The following BRCA2 variants were observed in gnomAD, a reference collection of about 807,000 sequenced individuals.
The protein encoded by BRCA2 is BRCA2 DNA repair associated.
BRCA2 carries 203 observed loss-of-function variants against 276.7 expected under a neutral mutation model. That is an observed-to-expected ratio of 0.73 (90% CI 0.65 to 0.82). The LOEUF (loss-of-function observed/expected upper bound fraction) is 0.82, where lower values mean the gene tolerates loss of function less well. BRCA2 is among the 40% of genes least tolerant of loss of function. BRCA2 has a pLI of 0.00. For synonymous variants in BRCA2, 1,289 were observed against 1,338.4 expected, an observed-to-expected ratio of 0.96 and a Z score of 0.81; for missense variants, 3,920 against 3,915.0, an observed-to-expected ratio of 1.00 and a Z score of -0.03.
Position 32,356,297 on chromosome 13 carries a change from C to T in BRCA2, c.7436-131C>T, listed in dbSNP as rs11571706. 1.9e-3 allele frequency: 1,609 copies of T among 842,288 alleles called. 24 individuals carry two copies. The African/African-American group carries it at 0.024, about 13-fold the overall frequency. 52.2% of individuals were successfully genotyped at this position (842,288 alleles called of 1,614,324 possible). On this transcript the variant is annotated intron_variant, in intron 14 of 26. Transcript: ENST00000380152. Reference sequence around the variant, plus strand: ...TTTGGTCAGGCTGGTCTTGAACTCCCGACCTCAGATGATCTGCCCGCCTCA... The same window carrying T: ...TTTGGTCAGGCTGGTCTTGAACTCCTGACCTCAGATGATCTGCCCGCCTCA...
rs796964470 is a variant in BRCA2, at chr13:32,377,590, CA to C, written c.8754+816del. Among the ~76,000 whole-genome samples, 88,956 of 99,682 alleles carry C rather than the reference CA, an allele frequency of 0.89. 39,272 individuals are homozygous for C. The highest frequency in any genetic ancestry group is 0.95 in the East Asian group (3,313 of 3,494). 65.4% of individuals were successfully genotyped at this position (99,682 alleles called of 152,430 possible). On this transcript the variant is annotated intron_variant, in intron 21 of 26. Coordinates refer to ENST00000380152, the MANE Select transcript of BRCA2 (RefSeq NM_000059.4). ...AGGCAACAAGAGCAAAACTCCGTCTCAAAAAAAAAAAAAAAAAGCTATTAAA... is the reference window on the plus strand; with the variant it reads ...AGGCAACAAGAGCAAAACTCCGTCTCAAAAAAAAAAAAAAAAGCTATTAAA...
At position 32,395,057 on chromosome 13, in the gene BRCA2, A is replaced by G. The variant is rs543127522; in HGVS notation, c.9501+124A>G. On this transcript the variant is annotated intron_variant, in intron 25 of 26. Coordinates refer to ENST00000380152, the MANE Select transcript of BRCA2 (RefSeq NM_000059.4). ...GTAGTATGTGAGGTAAAGTTTAATC[A>G]TATATTAATTGCCCATGAACCTCAG... 60 of 1,357,262 alleles carry G rather than the reference A, an allele frequency of 4.4e-5. 1 individual carries two copies. In the South Asian group the frequency reaches 5.9e-4, roughly 13 times the overall value. 84.1% of individuals were successfully genotyped at this position (1,357,262 alleles called of 1,614,324 possible). A position where few individuals can be genotyped will look rare whatever the true frequency, so the allele number is the denominator to read the frequency against.
intron 20 of BRCA2, among the ~76,000 whole-genome samples, chr13:32,376,236 T>C (rs924230218): frequency 6.6e-5 from 10 of 152,088 alleles, no homozygotes; most frequent in African/African-American, 1.2e-4. Flanking sequence ...GGAAAACTTA[T>C]AGCAGGCCAG....
At chr13:32,330,189 C>T (rs11571632) in intron 8 of BRCA2, among the ~76,000 whole-genome samples, 391 of 152,290 alleles carry the variant, frequency 2.6e-3, no homozygotes, top group Non-Finnish European at 3.6e-3. Flanking sequence ...ATGTAGCTGT[C>T]AATCAAAACA....
At chr13:32,328,571 T>C (rs181536701) in intron 7 of BRCA2, among the ~76,000 whole-genome samples, 4 of 152,318 alleles carry the variant, frequency 2.6e-5, no homozygotes, top group East Asian at 1.9e-4. Context: ...CTGTTCATAG[T>C]TGTGAAACTT....
intron 12 of BRCA2, among the ~76,000 whole-genome samples, chr13:32,345,903 G>C (rs2072608143): frequency 2.6e-5 from 4 of 151,972 alleles, no homozygotes; most frequent in Admixed American, 2.0e-4. Flanking sequence ...TGGATTTTCA[G>C]ATTAGGGATA....
At chr13:32,362,116 G>A (rs1314433326) in intron 16 of BRCA2, among the ~76,000 whole-genome samples, 1 of 152,028 alleles carries the variant, frequency 6.6e-6, no homozygotes, top group Non-Finnish European at 1.5e-5. Flanking sequence ...TCAACCTCCT[G>A]GGCTCAAGCA....
chr13:32,333,246 T>C lies in BRCA2; in HGVS notation c.1768T>C (p.Phe590Leu), dbSNP rs2137474689. The change falls in exon 10 of 27, where the codon TTT becomes CTT. Residue 590 changes from phenylalanine (F) to leucine (L), a missense_variant. By Grantham distance (22) the Phe-to-Leu change is conservative. This residue lies in a region of BRCA2 where 3,263 missense variants were observed against 3,156.9 expected (regional missense o/e 1.03). Transcript: ENST00000380152. Reference protein sequence around the residue: ...ISTLKKKTNKFIYAIHDETSY... With the variant: ...ISTLKKKTNKLIYAIHDETSY... The stretch of plus-strand genomic sequence containing the variant: ...CACTTTGAAAAAGAAAACAAATAAG[T>C]TTATTTATGCTATACATGATGAAAC... 6.2e-7 allele frequency: 1 copy of C among 1,612,012 alleles called. No homozygotes were observed. The highest frequency in any genetic ancestry group is 8.5e-7 in the Non-Finnish European group (1 of 1,178,770).
intron 24 of BRCA2, 137 bp from the exon 25 acceptor site, chr13:32,394,552 C>G (rs963729257): frequency 1.7e-6 from 2 of 1,156,240 alleles, no homozygotes; most frequent in African/African-American, 3.1e-5. Context: ...GAGCTTTCGC[C>G]AAATTCAGCT....
At chr13:32,383,527 C>T (rs1046936102) in intron 24 of BRCA2, among the ~76,000 whole-genome samples, 6 of 152,072 alleles carry the variant, frequency 3.9e-5, no homozygotes, top group Admixed American at 1.3e-4. Flanking sequence ...TTTTTTCAAC[C>T]GTGTTCAGCT....
Position 32,333,264 on chromosome 13 carries a change from G to T in BRCA2, c.1786G>T (p.Asp596Tyr). The T allele has an allele frequency of 1.9e-6, 3 of 1,608,594 alleles. No individual in the cohort carries two copies. Among genetic ancestry groups the T allele is most frequent in the Non-Finnish European group, 2.5e-6 (3 of 1,177,882 alleles). The stretch of plus-strand genomic sequence containing the variant: ...AAATAAGTTTATTTATGCTATACAT[G>T]ATGAAACATCTTATAAAGGAAAAAA... ...KTNKFIYAIH[D>Y]ETSYKGKKIP... Residue 596 changes from aspartate (D) to tyrosine (Y), a missense_variant, in exon 10 of 27, where the codon GAT becomes TAT. Around this residue, in one of 2 missense-constraint regions of BRCA2, gnomAD observed 3,263 missense variants for 3,156.9 expected, o/e 1.03. Coordinates refer to ENST00000380152, the MANE Select transcript of BRCA2 (RefSeq NM_000059.4).
chr13:32,367,684 A>G (rs1009204483), intron 18 of BRCA2, among the ~76,000 whole-genome samples: 1 of 151,552 alleles, frequency 6.6e-6, no homozygotes, highest in Non-Finnish European at 1.5e-5. Context: ...AGTCCCAGCT[A>G]CTTGAGAGGC....
At chr13:32,379,225 T>C (rs2072895007) in intron 21 of BRCA2, 92 bp from the exon 22 acceptor site, 1 of 1,202,462 alleles carries the variant, frequency 8.3e-7, no homozygotes, top group Non-Finnish European at 1.2e-6. Context: ...TCTAATTTTG[T>C]TGTATTTGTC....
At chr13:32,360,969 A>G (rs141416123) in intron 16 of BRCA2, among the ~76,000 whole-genome samples, 3 of 152,354 alleles carry the variant, frequency 2.0e-5, no homozygotes, top group African/African-American at 7.2e-5. Flanking sequence ...GAGAAGACCA[A>G]AGATGGAGGG....
At chr13:32,325,657 C>T (rs61948376) in intron 4 of BRCA2, among the ~76,000 whole-genome samples, 240 of 151,804 alleles carry the variant, frequency 1.6e-3, no homozygotes, top group Non-Finnish European at 2.5e-3. Context: ...TCTCCTGCCT[C>T]AGCCTCCCAA....
At chr13:32,368,332 CCTTTT>C (rs1566247786) in intron 18 of BRCA2, among the ~76,000 whole-genome samples, 1 of 151,862 alleles carries the variant, frequency 6.6e-6, no homozygotes, top group Non-Finnish European at 1.5e-5. Flanking sequence ...GGATTACAGC[CCTTTT>C]CTTCTAGTTC....
At chr13:32,354,317 C>G (rs919839449) in intron 13 of BRCA2, among the ~76,000 whole-genome samples, 2 of 152,010 alleles carry the variant, frequency 1.3e-5, no homozygotes, top group Non-Finnish European at 2.9e-5. Flanking sequence ...AGAAGGTTGA[C>G]TGTGGAGTGT....
rs1052409595 is a variant in BRCA2 at position 32,332,732 on chromosome 13, A to C, written c.1254A>C (p.Ser418=). Residue 418 remains serine, a synonymous_variant, in exon 10 of 27, where the codon TCA becomes TCC. Transcript: ENST00000380152. ...AAATACCCCTATTGCATATTTCTTC[A>C]TGTGACCAAAATATTTCAGAAAAAG... ...MEKIPLLHIS[S]CDQNISEKDL... The C allele has an allele frequency of 6.2e-7, 1 of 1,611,574 alleles. No homozygotes were observed. The highest frequency in any genetic ancestry group is 8.5e-7 in the Non-Finnish European group (1 of 1,179,346).
At position 32,327,066 on chromosome 13, in the gene BRCA2, ATG is replaced by A. The variant is rs756064030; in HGVS notation, c.631+456_631+457del. ...ATTCCACAAGTGTAATTACACAACT[ATG>A]TGATAAACTGCAATATTTATCCATT... On this transcript the variant is annotated intron_variant, in intron 7 of 26. Transcript: ENST00000380152. Among the ~76,000 whole-genome samples, 4 of 152,364 alleles carry A rather than the reference ATG, an allele frequency of 2.6e-5. No homozygotes were observed. In the East Asian group the frequency reaches 7.7e-4, roughly 29 times the overall value.
Sources: gnomAD v4.1 joint callset for allele counts (sites outside exome capture counted in the v4.1 genomes callset) on GRCh38, gnomAD v4.1.1 for gene constraint, gnomAD v4.1.1 regional missense constraint, MANE v1.5 for transcripts, NCBI Gene and HGNC (gene_info 2026-07-23, HGNC 2026-07-21) for gene names.